The following PLS1 variants were observed in gnomAD, a reference collection of about 807,000 sequenced individuals.
The protein encoded by PLS1 is plastin 1, also known as plastin-1.
In PLS1, 32 loss-of-function variants were observed where a neutral mutation model predicts 73.7. The ratio of observed to expected loss-of-function variants is 0.43; its 90% CI spans 0.33 to 0.58. The LOEUF is 0.58. PLS1 is among the 20% of genes least tolerant of loss of function. The pLI is 0.04. For missense variants in PLS1, 633 were observed against 740.5 expected, an observed-to-expected ratio of 0.85 and a Z score of 1.68; for synonymous variants, 217 against 261.3, an observed-to-expected ratio of 0.83 and a Z score of 1.63.
intron 8 of PLS1, 133 bp from the exon 9 acceptor site, chr3:142,686,151 G>A: frequency 1.6e-6 from 1 of 623,682 alleles, no homozygotes; most frequent in South Asian, 2.0e-5. Flanking sequence ...GAACCTACAA[G>A]TAATTCTTTA....
chr3:142,668,004 A>C (rs910391611), intron 2 of PLS1, among the ~76,000 whole-genome samples: 1 of 152,242 alleles, frequency 6.6e-6, no homozygotes, highest in African/African-American at 2.4e-5. Context: ...AAACTTTCAT[A>C]TGAGAGTTCC....
chr3:142,654,169 G>T (rs1178784132), intron 1 of PLS1, among the ~76,000 whole-genome samples: 4 of 152,134 alleles, frequency 2.6e-5, no homozygotes, highest in Non-Finnish European at 4.4e-5. Flanking sequence ...GGCCCGTGTG[G>T]TGAGGCAGTA....
intron 1 of PLS1, among the ~76,000 whole-genome samples, chr3:142,659,339 G>A (rs916618290): frequency 2.0e-5 from 3 of 152,042 alleles, no homozygotes; most frequent in African/African-American, 4.8e-5. Flanking sequence ...TTTGTGGAAA[G>A]CTATAAATTA....
At chr3:142,620,834 A>G (rs182946014) in intron 1 of PLS1, among the ~76,000 whole-genome samples, 101 of 152,264 alleles carry the variant, frequency 6.6e-4, no homozygotes, top group South Asian at 4.2e-3. Context: ...GCTGGCCAAC[A>G]TAGTGAAAAT....
At position 142,666,763 on chromosome 3, in the gene PLS1, G is replaced by A. The variant is rs573020395; in HGVS notation, c.70+2456G>A. ...GAGGCACCATTTTACATTCCCACCA[G>A]TGGTGTACCAGGGTTCCATTTTCTT... On this transcript the variant is annotated intron_variant, in intron 2 of 15. Transcript: ENST00000457734. Among the ~76,000 whole-genome samples the A allele has an allele frequency of 5.9e-5, 9 of 152,304 alleles. No homozygotes were observed. The South Asian group carries it at 1.9e-3, about 32-fold the overall frequency.
intron 12 of PLS1, among the ~76,000 whole-genome samples, chr3:142,702,889 C>G (rs55968753): frequency 1.3e-5 from 2 of 151,878 alleles, no homozygotes; most frequent in African/African-American, 4.8e-5. Context: ...GATTTGTGCA[C>G]GTAAAAATTT....
At chr3:142,657,520 C>T (rs2037266926) in intron 1 of PLS1, among the ~76,000 whole-genome samples, 1 of 152,244 alleles carries the variant, frequency 6.6e-6, no homozygotes, top group Non-Finnish European at 1.5e-5. Context: ...CGGAGTCTCA[C>T]ATTGTCACCC....
intron 1 of PLS1, among the ~76,000 whole-genome samples, chr3:142,626,624 C>G (rs1478343771): frequency 6.6e-6 from 1 of 152,064 alleles, no homozygotes; most frequent in Admixed American, 6.6e-5. Flanking sequence ...TATATAATCT[C>G]GATAATTGTG....
At position 142,637,942 on chromosome 3, in the gene PLS1, C is replaced by T. The variant is rs368817109; in HGVS notation, c.-36-26260C>T. On this transcript the variant is annotated intron_variant, in intron 1 of 15. Transcript: ENST00000457734. Reference sequence around the variant, plus strand: ...TTTCTCCATTCTTTATTCCTCTACTCATCCTCCTGCTGTCACTGCTCTCGA... The same window carrying T: ...TTTCTCCATTCTTTATTCCTCTACTTATCCTCCTGCTGTCACTGCTCTCGA... 2.7e-3 allele frequency among the ~76,000 whole-genome samples: 412 copies of T among 151,946 alleles called. 4 individuals are homozygous for T. The highest frequency in any genetic ancestry group is 0.022 in the South Asian group (106 of 4,804).
intron 11 of PLS1, 146 bp from the exon 12 acceptor site, chr3:142,697,807 C>T: frequency 3.7e-6 from 2 of 538,612 alleles, no homozygotes; most frequent in Non-Finnish European, 6.7e-6. Flanking sequence ...ACTGGAAGTT[C>T]TGGGTCAAAT....
intron 1 of PLS1, among the ~76,000 whole-genome samples, chr3:142,605,129 G>A (rs1032088456): frequency 2.6e-5 from 4 of 152,098 alleles, no homozygotes; most frequent in Non-Finnish European, 4.4e-5. Flanking sequence ...TGAGAAGGAA[G>A]GCCTTCTCTT....
chr3:142,687,278 G>A (rs1340104654), intron 9 of PLS1, among the ~76,000 whole-genome samples: 1 of 151,258 alleles, frequency 6.6e-6, no homozygotes, highest in Admixed American at 6.6e-5. Context: ...TTACAAATTT[G>A]TGTTGGGCCA....
chr3:142,687,222 TAA>T (rs200366859), intron 9 of PLS1, among the ~76,000 whole-genome samples: 60 of 129,600 alleles, frequency 4.6e-4, no homozygotes, highest in Non-Finnish European at 5.7e-4. Flanking sequence ...GCTGATGAGC[TAA>T]AAAAAAAAAA....
chr3:142,609,562 C>T (rs2036082211), intron 1 of PLS1, among the ~76,000 whole-genome samples: 1 of 152,190 alleles, frequency 6.6e-6, no homozygotes, highest in South Asian at 2.1e-4. Context: ...CATAGGTATT[C>T]AGTGAACAAT....
At position 142,686,293 on chromosome 3, in the gene PLS1, G is replaced by A. The variant is rs766142133; in HGVS notation, c.898G>A (p.Ala300Thr). Residue 300 changes from alanine (A) to threonine (T), a missense_variant, in exon 9 of 16, where the codon GCC (alanine) becomes ACC (threonine). By Grantham distance (58) the Ala-to-Thr change is moderately conservative (BLOSUM62 0). Transcript: ENST00000457734. Reference sequence around the variant, plus strand: ...ATATCTTTCCTTGAAGGACTCGAGAGCCTATTTTCATCTGCTTAATCAGAT... The same window carrying A: ...ATATCTTTCCTTGAAGGACTCGAGAACCTATTTTCATCTGCTTAATCAGAT... ...NFSQDIKDSR[A>T]YFHLLNQIAP... 4.4e-6 allele frequency: 7 copies of A among 1,592,936 alleles called. No homozygotes were observed. In the Admixed American group the frequency reaches 1.0e-4, roughly 23 times the overall value.
At chr3:142,685,967 T>A (rs1380395095) in intron 8 of PLS1, among the ~76,000 whole-genome samples, 4 of 152,158 alleles carry the variant, frequency 2.6e-5, no homozygotes, top group Non-Finnish European at 5.9e-5. Flanking sequence ...AGGGAAGGCA[T>A]ACGGGAGATA....
At chr3:142,619,998 A>G (rs1577783364) in intron 1 of PLS1, among the ~76,000 whole-genome samples, 1 of 152,198 alleles carries the variant, frequency 6.6e-6, no homozygotes, top group Non-Finnish European at 1.5e-5. Context: ...TACTCCCACA[A>G]TCAGCACCCT....
At chr3:142,614,749 C>T (rs186445841) in intron 1 of PLS1, among the ~76,000 whole-genome samples, 36 of 152,108 alleles carry the variant, frequency 2.4e-4, no homozygotes, top group East Asian at 1.9e-4. Context: ...AGGAGTATGG[C>T]GGCTATAGAG....
intron 1 of PLS1, among the ~76,000 whole-genome samples, chr3:142,613,795 C>G (rs76975197): frequency 6.6e-6 from 1 of 152,190 alleles, no homozygotes; most frequent in East Asian, 1.9e-4. Context: ...TTTTATTGCA[C>G]TGTGATTGTT....
Sources: gnomAD v4.1 joint callset for allele counts (sites outside exome capture counted in the v4.1 genomes callset) on GRCh38, gnomAD v4.1.1 for gene constraint, MANE v1.5 for transcripts, NCBI Gene and HGNC (gene_info 2026-07-23, HGNC 2026-07-21) for gene names.